The following MRPL13 variants were observed in gnomAD, a reference collection of about 807,000 sequenced individuals.
MRPL13 encodes large ribosomal subunit protein uL13m.
A neutral mutation model predicts 29.0 loss-of-function variants in MRPL13; 33 were observed. The observed-to-expected ratio is 1.14, with a 90% CI of 0.86 to 1.52. The LOEUF is 1.52. Among genes scored for constraint, MRPL13 ranks in the 40% most tolerant of loss-of-function variants. MRPL13 has a pLI of 0.00. For synonymous variants in MRPL13, 77 were observed against 68.4 expected (o/e 1.13, Z -0.62); for missense variants, 227 against 216.7 (o/e 1.05, Z -0.30).
At chr8:120,405,828 A>T (rs1281925801) in intron 6 of MRPL13, among the ~76,000 whole-genome samples, 2 of 152,220 alleles carry the variant, frequency 1.3e-5, no homozygotes, top group Admixed American at 6.5e-5. Context: ...GAGGTGACCT[A>T]ATCTCTTCAC....
chr8:120,400,340 C>G (rs1036648620), intron 6 of MRPL13, among the ~76,000 whole-genome samples: 2 of 152,174 alleles, frequency 1.3e-5, no homozygotes, highest in African/African-American at 4.8e-5. Flanking sequence ...AACCACACAA[C>G]TATATGGAAA....
At chr8:120,434,072 A>G (rs1022744183) in intron 2 of MRPL13, among the ~76,000 whole-genome samples, 1 of 152,082 alleles carries the variant, frequency 6.6e-6, no homozygotes, top group South Asian at 2.1e-4. Flanking sequence ...CTAGGTGCTC[A>G]ATTAAATGGC....
rs1410424029 is a variant in MRPL13, at chr8:120,414,228, A to AT, written c.394-117_394-116insA. On this transcript the variant is annotated intron_variant, in intron 5 of 6. Transcript: ENST00000306185. ...CAAAAGAATGCTCGTAGAATAAGGA[A>AT]AACATAAAATCTTTAAAATAAAAAC... is the stretch of plus-strand genomic sequence containing the variant. 3 of 822,332 alleles carry AT rather than the reference A, an allele frequency of 3.6e-6. No homozygotes were observed. The African/African-American group carries it at 5.4e-5, about 15-fold the overall frequency. 50.9% of individuals were successfully genotyped at this position (822,332 alleles called of 1,614,324 possible).
chr8:120,427,409 C>T (rs1256389523), intron 3 of MRPL13, among the ~76,000 whole-genome samples: 1 of 151,968 alleles, frequency 6.6e-6, no homozygotes, highest in Non-Finnish European at 1.5e-5. Flanking sequence ...ATTACACTTC[C>T]AGGGATTTAT....
Position 120,419,892 on chromosome 8 carries a change from C to A in MRPL13, c.353G>T (p.Arg118Ile). ...IYGMLPKNLH[R>I]RTMMERLHLF... ...ATGCAACCTTTCCATCATTGTTCTT[C>A]TGTGAAGGTTTTTTGGCAGCATGCC... Residue 118 changes from arginine to isoleucine, a missense_variant, in exon 5 of 7, where the codon AGA becomes ATA. Physicochemically the swap from Arg to Ile is moderately conservative, Grantham distance 97 (BLOSUM62 -3). Transcript: ENST00000306185. 6.3e-7 allele frequency: 1 copy of A among 1,595,866 alleles called. No homozygotes were observed. The highest frequency in any genetic ancestry group is 8.5e-7 in the Non-Finnish European group (1 of 1,171,250).
intron 2 of MRPL13, among the ~76,000 whole-genome samples, chr8:120,437,586 G>T (rs578019745): frequency 6.6e-5 from 10 of 152,096 alleles, no homozygotes; most frequent in Non-Finnish European, 1.3e-4. Flanking sequence ...TCAGAAACAC[G>T]TTCAAAAAGT....
intron 4 of MRPL13, among the ~76,000 whole-genome samples, chr8:120,420,933 GC>G (rs750568656): frequency 1.4e-4 from 21 of 151,800 alleles, no homozygotes; most frequent in Non-Finnish European, 2.8e-4. Context: ...ATTTAAAAAG[GC>G]TAGAAAATGT....
chr8:120,407,376 A>T (rs1174685295), intron 6 of MRPL13, among the ~76,000 whole-genome samples: 1 of 152,160 alleles, frequency 6.6e-6, no homozygotes, highest in South Asian at 2.1e-4. Flanking sequence ...GTGACACTTA[A>T]CATTATTGGT....
rs570260417 is a variant in MRPL13 at position 120,399,908 on chromosome 8, T to C, written c.516-3783A>G. Among the ~76,000 whole-genome samples the C allele has an allele frequency of 6.6e-5, 10 of 152,252 alleles. 1 individual carries two copies. In the South Asian group the frequency reaches 1.5e-3, roughly 22 times the overall value. On this transcript the variant is annotated intron_variant, in intron 6 of 6. Coordinates refer to ENST00000306185, the MANE Select transcript of MRPL13 (RefSeq NM_014078.6). Reference sequence around the variant, plus strand: ...AAAAAGACAGAAGGGCATTGCATAATGGTAAAGGGTTCAATTCAAGAGTTA... The same window carrying C: ...AAAAAGACAGAAGGGCATTGCATAACGGTAAAGGGTTCAATTCAAGAGTTA...
Position 120,413,988 on chromosome 8 carries a change from T to TAGG in MRPL13, c.515+2_515+3insCCT. 6.5e-7 allele frequency: 1 copy of TAGG among 1,547,320 alleles called. No homozygotes were observed. Among genetic ancestry groups the TAGG allele is most frequent in the Non-Finnish European group, 8.7e-7 (1 of 1,155,216 alleles). On this transcript the variant is annotated splice_region_variant and intron_variant, in intron 6 of 6. Transcript: ENST00000306185. ...AAAAAACAAGAAGAAGGGAAACACT[T>TAGG]ACGGAGTCCACAATCTTGGGAAGGC... is the stretch of plus-strand genomic sequence containing the variant.
chr8:120,398,920 TACACAC>T (rs549678047), intron 6 of MRPL13, among the ~76,000 whole-genome samples: 7 of 149,124 alleles, frequency 4.7e-5, no homozygotes, highest in Non-Finnish European at 7.5e-5. Context: ...CAGACAATAA[TACACAC>T]ACACACACAA....
At chr8:120,411,268 A>G (rs955443271) in intron 6 of MRPL13, among the ~76,000 whole-genome samples, 12 of 152,002 alleles carry the variant, frequency 7.9e-5, no homozygotes, top group Non-Finnish European at 1.6e-4. Context: ...GGGTCTTGCC[A>G]TCTTGCCCAG....
intron 2 of MRPL13, among the ~76,000 whole-genome samples, chr8:120,433,659 T>C (rs1022649167): frequency 6.6e-6 from 1 of 152,052 alleles, no homozygotes. Context: ...CTCAATAATA[T>C]ATGCCAAATC....
chr8:120,405,408 T>C (rs1430881145), intron 6 of MRPL13, among the ~76,000 whole-genome samples: 1 of 152,240 alleles, frequency 6.6e-6, no homozygotes, highest in Non-Finnish European at 1.5e-5. Context: ...GCTTGGATTC[T>C]TATGAGAATG....
intron 2 of MRPL13, among the ~76,000 whole-genome samples, chr8:120,434,301 T>C (rs750942845): frequency 3.3e-5 from 5 of 152,106 alleles, no homozygotes; most frequent in Non-Finnish European, 5.9e-5. Flanking sequence ...ATCTTCTACA[T>C]GCAAAGCACT....
chr8:120,433,810 G>A (rs370479411), intron 2 of MRPL13, among the ~76,000 whole-genome samples: 8 of 152,038 alleles, frequency 5.3e-5, no homozygotes, highest in South Asian at 4.1e-4. Flanking sequence ...ATATAGCACA[G>A]TTGTTTCTGT....
intron 1 of MRPL13, 75 bp from the exon 2 acceptor site, chr8:120,443,383 A>C: frequency 7.9e-7 from 1 of 1,264,834 alleles, no homozygotes; most frequent in South Asian, 2.0e-5. Context: ...TACAGTAATT[A>C]AATTTATTAT....
At position 120,412,530 on chromosome 8, in the gene MRPL13, T is replaced by C. The variant is rs558455806; in HGVS notation, c.515+1461A>G. 7.2e-5 allele frequency among the ~76,000 whole-genome samples: 11 copies of C among 152,290 alleles called. No homozygotes were observed. The South Asian group carries it at 1.9e-3, about 26-fold the overall frequency. On this transcript the variant is annotated intron_variant, in intron 6 of 6. Transcript: ENST00000306185. ...AGAAACTAAGGCTCAAAATGAAAGA[T>C]GACTTACTTAAGGTTATAGAGTCAG...
chr8:120,426,097 A>G (rs1812929319), intron 3 of MRPL13, among the ~76,000 whole-genome samples: 1 of 152,106 alleles, frequency 6.6e-6, no homozygotes, highest in Non-Finnish European at 1.5e-5. Flanking sequence ...TATCTACCTC[A>G]AAAGATTTCT....
Sources: allele counts gnomAD v4.1 joint callset (sites outside exome capture counted in the v4.1 genomes callset), GRCh38; gene constraint gnomAD v4.1.1; transcripts MANE v1.5; gene names NCBI Gene and HGNC (gene_info 2026-07-23, HGNC 2026-07-21).